MYO1B: variants seen among roughly 807,000 people sequenced by gnomAD.
MYO1B encodes the protein myosin IB, also known as unconventional myosin-Ib.
A neutral mutation model predicts 159.7 loss-of-function variants in MYO1B; 72 were observed. The ratio of observed to expected loss-of-function variants is 0.45; its 90% CI spans 0.37 to 0.55. The LOEUF (loss-of-function observed/expected upper bound fraction) is 0.55, where lower values mean the gene tolerates loss of function less well. Among genes scored for constraint, MYO1B ranks in the 20% least tolerant of loss-of-function variants. MYO1B has a pLI of 0.00. For missense variants in MYO1B, 1,062 were observed against 1,364.8 expected, an observed-to-expected ratio of 0.78 and a Z score of 3.50; for synonymous variants, 468 against 473.8, an observed-to-expected ratio of 0.99 and a Z score of 0.16.
intron 2 of MYO1B, among the ~76,000 whole-genome samples, chr2:191,281,317 G>T (rs573196143): frequency 1.4e-4 from 22 of 152,290 alleles, no homozygotes; most frequent in East Asian, 1.2e-3. Flanking sequence ...GGAGGATCAG[G>T]TGAGATGAGA....
At chr2:191,268,672 ATTC>A (rs1173905453) in intron 1 of MYO1B, among the ~76,000 whole-genome samples, 1 of 152,162 alleles carries the variant, frequency 6.6e-6, no homozygotes, top group Admixed American at 6.5e-5. Context: ...ACCATGCTTC[ATTC>A]TTCTCTTCAG....
At chr2:191,358,465 C>A (rs986635706) in intron 7 of MYO1B, among the ~76,000 whole-genome samples, 1 of 152,136 alleles carries the variant, frequency 6.6e-6, no homozygotes, top group Non-Finnish European at 1.5e-5. Context: ...TCATATCGTG[C>A]GCAAGTGAAT....
intron 30 of MYO1B, among the ~76,000 whole-genome samples, chr2:191,421,938 A>G (rs1422465655): frequency 6.6e-6 from 1 of 152,206 alleles, no homozygotes; most frequent in Non-Finnish European, 1.5e-5. Flanking sequence ...TCCTTTCCTC[A>G]TTGCTTTCAA....
At chr2:191,390,562 A>C (rs1331432942) in intron 18 of MYO1B, 70 bp downstream of exon 18, 1 of 1,468,100 alleles carries the variant, frequency 6.8e-7, no homozygotes, top group Non-Finnish European at 9.1e-7. Flanking sequence ...GTTTTTTCAC[A>C]TGCTGTTAGA....
intron 3 of MYO1B, among the ~76,000 whole-genome samples, chr2:191,306,897 G>A (rs1009285173): frequency 1.3e-5 from 2 of 152,160 alleles, no homozygotes; most frequent in African/African-American, 4.8e-5. Flanking sequence ...TACCAGGTGT[G>A]TGACATTTTT....
chr2:191,333,580 A>G (rs535307620), intron 4 of MYO1B, among the ~76,000 whole-genome samples: 6 of 151,970 alleles, frequency 3.9e-5, no homozygotes, highest in Admixed American at 2.0e-4. Flanking sequence ...GCCACCACCC[A>G]TTATCTCTCA....
intron 2 of MYO1B, among the ~76,000 whole-genome samples, chr2:191,293,530 A>G (rs1250957439): frequency 6.6e-6 from 1 of 152,202 alleles, no homozygotes; most frequent in African/African-American, 2.4e-5. Flanking sequence ...TTTCTTGATT[A>G]TATGCTCAAT....
chr2:191,272,728 A>G (rs1209670378), intron 1 of MYO1B, among the ~76,000 whole-genome samples: 3 of 152,164 alleles, frequency 2.0e-5, no homozygotes, highest in African/African-American at 7.2e-5. Flanking sequence ...AATTTTTTTC[A>G]AATTCTCTAA....
chr2:191,400,738 A>G lies in MYO1B; in HGVS notation c.2383-11A>G. ...AAACTTTTCTGTAACTCCTTTTCAA[A>G]TGCATCACAGGCACGAAGGGAACTG... On this transcript the variant is annotated splice_polypyrimidine_tract_variant and intron_variant, in intron 22 of 30. Transcript: ENST00000392318. 2 of 1,613,266 alleles carry G rather than the reference A, an allele frequency of 1.2e-6. No individual in the cohort carries two copies. The highest frequency in any genetic ancestry group is 4.5e-5 in the East Asian group (2 of 44,886).
At chr2:191,364,516 G>A (rs1255652560) in intron 11 of MYO1B, among the ~76,000 whole-genome samples, 1 of 105,470 alleles carries the variant, frequency 9.5e-6, no homozygotes, top group African/African-American at 4.6e-5. Context: ...TAGCAAACTA[G>A]CCCGTGGTGT....
intron 1 of MYO1B, among the ~76,000 whole-genome samples, chr2:191,264,150 C>G (rs994977525): frequency 2.6e-5 from 4 of 152,138 alleles, no homozygotes; most frequent in African/African-American, 9.7e-5. Context: ...TAACCCACTG[C>G]AGCAGTTTAG....
At position 191,245,453 on chromosome 2, in the gene MYO1B, A is replaced by G. The variant is rs1293138567; in HGVS notation, c.-183A>G. On this transcript the variant is annotated 5_prime_UTR_variant, in exon 1 of 31. Coordinates refer to ENST00000392318, the MANE Select transcript of MYO1B (RefSeq NM_001130158.3). ...CGGGAGCCTCAACCGCGGCGCGTGG[A>G]GGCAGTACCAGAGCGCGCGGCGCGC... The G allele has an allele frequency of 6.6e-6, 1 of 151,928 alleles. No individual in the cohort carries two copies. Among genetic ancestry groups the G allele is most frequent in the Non-Finnish European group, 1.5e-5 (1 of 67,974 alleles). The allele number at this position is 151,928 out of a possible 1,614,324, so 9.4% of individuals were successfully genotyped here. A position where few individuals can be genotyped will look rare whatever the true frequency, so the allele number is the denominator to read the frequency against.
intron 21 of MYO1B, among the ~76,000 whole-genome samples, chr2:191,398,423 A>AT: frequency 9.5e-6 from 1 of 105,118 alleles, no homozygotes. Context: ...CGGGGGGCTG[A>AT]CCCCCCCCCA....
intron 11 of MYO1B, among the ~76,000 whole-genome samples, chr2:191,367,435 C>G (rs1045826621): frequency 3.3e-5 from 5 of 152,088 alleles, no homozygotes; most frequent in Non-Finnish European, 7.4e-5. Context: ...TCCTCTAACC[C>G]CAATAGAGAG....
chr2:191,414,192 A>T lies in MYO1B; in HGVS notation c.3006+12A>T. The stretch of plus-strand genomic sequence containing the variant: ...GTGCTAATGGGAAGGTAAAAATGCT[A>T]ACCTTGAAGACTGATAAGAAGTACC... On this transcript the variant is annotated intron_variant, in intron 28 of 30. Coordinates refer to ENST00000392318, the MANE Select transcript of MYO1B (RefSeq NM_001130158.3). The T allele has an allele frequency of 6.2e-7, 1 of 1,608,908 alleles. No individual in the cohort carries two copies. Among genetic ancestry groups the T allele is most frequent in the South Asian group, 1.1e-5 (1 of 89,370 alleles).
chr2:191,402,567 T>A, intron 23 of MYO1B, 65 bp from the exon 24 acceptor site: 2 of 1,389,288 alleles, frequency 1.4e-6, no homozygotes, highest in Non-Finnish European at 2.0e-6. Context: ...TGGGATATCT[T>A]TTTCTGGTCA....
At chr2:191,417,954 T>C (rs774159289) in intron 30 of MYO1B, among the ~76,000 whole-genome samples, 8 of 152,238 alleles carry the variant, frequency 5.3e-5, no homozygotes, top group South Asian at 2.1e-4. Flanking sequence ...GGCCCTGCCC[T>C]GTCACAGAGG....
At chr2:191,330,915 A>G (rs1456965574) in intron 4 of MYO1B, among the ~76,000 whole-genome samples, 1 of 152,206 alleles carries the variant, frequency 6.6e-6, no homozygotes, top group Non-Finnish European at 1.5e-5. Context: ...ACACATTTTG[A>G]GTTCCCATTG....
intron 15 of MYO1B, among the ~76,000 whole-genome samples, chr2:191,383,553 T>C (rs1330779566): frequency 6.8e-6 from 1 of 146,338 alleles, no homozygotes; most frequent in African/African-American, 2.6e-5. Flanking sequence ...CACACATATA[T>C]ATATATGTTA....
Sources: allele counts gnomAD v4.1 joint callset (sites outside exome capture counted in the v4.1 genomes callset), GRCh38; gene constraint gnomAD v4.1.1; transcripts MANE v1.5; gene names NCBI Gene and HGNC (gene_info 2026-07-23, HGNC 2026-07-21).